The following IFNGR2 variants were observed in gnomAD, a reference collection of about 807,000 sequenced individuals.
IFNGR2 encodes interferon gamma receptor 2, also known as IFN-gamma receptor 2.
In IFNGR2, 15 loss-of-function variants were observed where a neutral mutation model predicts 41.1. That is an observed-to-expected ratio of 0.37 (90% CI 0.24 to 0.56). The LOEUF (loss-of-function observed/expected upper bound fraction) is 0.56. Among genes scored for constraint, IFNGR2 ranks in the 20% least tolerant of loss-of-function variants. IFNGR2 has a pLI of 0.81. For synonymous variants in IFNGR2, 161 were observed against 171.6 expected, an observed-to-expected ratio of 0.94 and a Z score of 0.48; for missense variants, 362 against 415.7, an observed-to-expected ratio of 0.87 and a Z score of 1.12.
chr21:33,407,672 T>C (rs772702776), intron 1 of IFNGR2, among the ~76,000 whole-genome samples: 1 of 152,238 alleles, frequency 6.6e-6, no homozygotes, highest in Non-Finnish European at 1.5e-5. Flanking sequence ...CTCGGCTCAC[T>C]GCAACCTCTA....
At chr21:33,422,439 A>C (rs940482141) in intron 3 of IFNGR2, among the ~76,000 whole-genome samples, 1 of 152,176 alleles carries the variant, frequency 6.6e-6, no homozygotes, top group African/African-American at 2.4e-5. Context: ...TAGATATTTG[A>C]TATATAATGA....
chr21:33,424,075 C>T lies in IFNGR2; in HGVS notation c.412+2390C>T, dbSNP rs2083816536. Among the ~76,000 whole-genome samples the T allele has an allele frequency of 2.0e-5, 3 of 152,094 alleles. No homozygotes were observed. The South Asian group carries it at 6.2e-4, about 32-fold the overall frequency. ...CAGCACTTTGGGAAGCTGAGGCAGG[C>T]AGATCATCTGTGGTCAGGAGTTCAA... On this transcript the variant is annotated intron_variant, in intron 3 of 6. Coordinates refer to ENST00000290219, the MANE Select transcript of IFNGR2 (RefSeq NM_005534.4).
rs879928349 is a variant in IFNGR2 at position 33,417,902 on chromosome 21, T to TA, written c.206+2893dup. 7.9e-3 allele frequency among the ~76,000 whole-genome samples: 1,154 copies of TA among 145,822 alleles called. 12 individuals carry two copies. The highest frequency in any genetic ancestry group is 0.024 in the African/African-American group (969 of 40,128). On this transcript the variant is annotated intron_variant, in intron 2 of 6. Coordinates refer to ENST00000290219, the MANE Select transcript of IFNGR2 (RefSeq NM_005534.4). ...AAAATGGGATAAAACGTTATTGCAT[T>TA]AAAAAAAAAAACCTTTGATAGAGTT...
chr21:33,411,835 T>C (rs1372108499), intron 1 of IFNGR2, among the ~76,000 whole-genome samples: 1 of 152,240 alleles, frequency 6.6e-6, no homozygotes, highest in Non-Finnish European at 1.5e-5. Context: ...AACTTGACTT[T>C]AGTCAGTGAG....
chr21:33,418,489 T>G (rs376108453), intron 2 of IFNGR2, among the ~76,000 whole-genome samples: 3 of 152,234 alleles, frequency 2.0e-5, no homozygotes, highest in African/African-American at 7.2e-5. Context: ...GGCCTTTGCA[T>G]TTGTTTTTAG....
Position 33,421,611 on chromosome 21 carries a change from T to C in IFNGR2, c.338T>C (p.Leu113Pro). The change falls in exon 3 of 7, where the codon CTA (leucine) becomes CCA (proline). Residue 113 changes from leucine (L) to proline (P), a missense_variant. Leu to Pro is a moderately conservative substitution (Grantham distance 98). Transcript: ENST00000290219. ...AGFPMDFNVT[L>P]RLRAELGALH... is the part of the protein sequence containing the mutation. ...TTCCCAATGGATTTCAATGTCACTC[T>C]ACGCCTTCGAGCTGAGCTGGGAGCA... 1 of 1,614,166 alleles carries C rather than the reference T, an allele frequency of 6.2e-7. No homozygotes were observed. The highest frequency in any genetic ancestry group is 8.5e-7 in the Non-Finnish European group (1 of 1,180,000).
chr21:33,418,016 TTTTA>T (rs1285751984), intron 2 of IFNGR2, among the ~76,000 whole-genome samples: 6 of 152,072 alleles, frequency 3.9e-5, no homozygotes, highest in Non-Finnish European at 5.9e-5. Context: ...TGGTTTTATT[TTTTA>T]TTTATTTATT....
intron 5 of IFNGR2, 45 bp downstream of exon 5, chr21:33,432,381 A>C (rs1355660752): frequency 5.1e-6 from 8 of 1,559,882 alleles, no homozygotes; most frequent in South Asian, 2.2e-5. Context: ...GGAAAAGAAT[A>C]CTCCTCCAAT....
intron 6 of IFNGR2, among the ~76,000 whole-genome samples, chr21:33,435,535 C>A: frequency 6.6e-6 from 1 of 152,140 alleles, no homozygotes; most frequent in Admixed American, 6.6e-5. Flanking sequence ...ACATGGTCAG[C>A]CCTGGGATGA....
At chr21:33,420,876 C>A (rs1205527217) in intron 2 of IFNGR2, among the ~76,000 whole-genome samples, 1 of 149,548 alleles carries the variant, frequency 6.7e-6, no homozygotes, top group Non-Finnish European at 1.5e-5. Flanking sequence ...GAGAGACCCC[C>A]AACTCTACAA....
chr21:33,422,792 G>A (rs946334495), intron 3 of IFNGR2, among the ~76,000 whole-genome samples: 3 of 146,314 alleles, frequency 2.1e-5, no homozygotes, highest in African/African-American at 5.1e-5. Flanking sequence ...TAGGAGAATC[G>A]CTTGAACCGG....
At chr21:33,415,407 A>G (rs2083747171) in intron 2 of IFNGR2, among the ~76,000 whole-genome samples, 1 of 152,198 alleles carries the variant, frequency 6.6e-6, no homozygotes, top group Admixed American at 6.6e-5. Flanking sequence ...ATATGGCCTG[A>G]TCAGAAATTT....
intron 1 of IFNGR2, 145 bp from the exon 2 acceptor site, chr21:33,414,742 CA>C: frequency 1.0e-6 from 1 of 972,886 alleles, no homozygotes; most frequent in Non-Finnish European, 1.6e-6. Flanking sequence ...GGGCCATGCC[CA>C]GGGGGACCTG....
chr21:33,432,359 C>A, intron 5 of IFNGR2, 23 bp downstream of exon 5: 1 of 1,604,430 alleles, frequency 6.2e-7, no homozygotes, highest in Non-Finnish European at 8.5e-7. Flanking sequence ...TTCTTATGTC[C>A]TTTCTGAACT....
rs112722803 is a variant in IFNGR2 at position 33,406,108 on chromosome 21, C to T, written c.73+2492C>T. 4.4e-3 allele frequency among the ~76,000 whole-genome samples: 668 copies of T among 152,210 alleles called. 1 individual carries two copies. The highest frequency in any genetic ancestry group is 7.4e-3 in the Non-Finnish European group (506 of 68,022). Reference sequence around the variant, plus strand: ...GTAGTAGCAGCTGGGCACGGTGGCTCATGCCTGTAATCCCATTACTTTGGG... The same window carrying T: ...GTAGTAGCAGCTGGGCACGGTGGCTTATGCCTGTAATCCCATTACTTTGGG... On this transcript the variant is annotated intron_variant, in intron 1 of 6. Coordinates refer to ENST00000290219, the MANE Select transcript of IFNGR2 (RefSeq NM_005534.4).
At chr21:33,406,648 C>CA (rs563519200) in intron 1 of IFNGR2, among the ~76,000 whole-genome samples, 1 of 131,860 alleles carries the variant, frequency 7.6e-6, no homozygotes. Context: ...GTGTTGGAAA[C>CA]TTTTTTTTTT....
At chr21:33,422,015 A>C (rs2083797580) in intron 3 of IFNGR2, among the ~76,000 whole-genome samples, 1 of 152,232 alleles carries the variant, frequency 6.6e-6, no homozygotes, top group Non-Finnish European at 1.5e-5. Flanking sequence ...TTGCAATAGC[A>C]GCTGTTGAGC....
At chr21:33,413,089 C>T (rs374383703) in intron 1 of IFNGR2, among the ~76,000 whole-genome samples, 2 of 152,134 alleles carry the variant, frequency 1.3e-5, no homozygotes, top group Admixed American at 6.6e-5. Context: ...CTGCATAGTT[C>T]GGATGCTATT....
intron 3 of IFNGR2, 138 bp from the exon 4 acceptor site, chr21:33,426,746 A>AT: frequency 2.1e-6 from 1 of 482,530 alleles, no homozygotes; most frequent in Non-Finnish European, 3.4e-6. Context: ...AAAGAGATAG[A>AT]TAAAAACGTG....
Sources: allele counts gnomAD v4.1 joint callset (sites outside exome capture counted in the v4.1 genomes callset), GRCh38; gene constraint gnomAD v4.1.1; transcripts MANE v1.5; gene names NCBI Gene and HGNC (gene_info 2026-07-23, HGNC 2026-07-21).